CHIT1: variants seen among roughly 807,000 people sequenced by gnomAD.
CHIT1 encodes chitinase 1.
A neutral mutation model predicts 52.0 loss-of-function variants in CHIT1; 47 were observed. That is an observed-to-expected ratio of 0.90 (90% confidence interval 0.71 to 1.15). CHIT1 has a LOEUF of 1.15. Among genes scored for constraint, CHIT1 ranks in the 50% most tolerant of loss-of-function variants. The pLI is 0.00. For missense variants in CHIT1, 569 were observed against 583.0 expected, an observed-to-expected ratio of 0.98 and a Z score of 0.25; for synonymous variants, 242 against 228.2, an observed-to-expected ratio of 1.06 and a Z score of -0.54.
chr1:203,218,288 C>T (rs1048195362), intron 9 of CHIT1, among the ~76,000 whole-genome samples: 1 of 152,204 alleles, frequency 6.6e-6, no homozygotes, highest in African/African-American at 2.4e-5. Context: ...TCAATCAAGG[C>T]TTGCTTCTCT....
chr1:203,218,350 T>C (rs909650467), intron 9 of CHIT1, among the ~76,000 whole-genome samples: 12 of 152,176 alleles, frequency 7.9e-5, no homozygotes, highest in Non-Finnish European at 1.5e-4. Context: ...ACCAGATTCC[T>C]GAGGCTTCCT....
intron 9 of CHIT1, chr1:203,218,136 T>C: frequency 7.0e-7 from 1 of 1,431,248 alleles, no homozygotes; most frequent in Non-Finnish European, 9.2e-7. Flanking sequence ...GTCAGTTGTG[T>C]GCACCTCCCT....
chr1:203,219,872 A>G, intron 7 of CHIT1, 23 bp from the exon 8 acceptor site: 2 of 1,611,318 alleles, frequency 1.2e-6, no homozygotes, highest in Non-Finnish European at 1.7e-6. Flanking sequence ...GGCAGGGTTA[A>G]TTTTCTCAGC....
intron 6 of CHIT1, 125 bp downstream of exon 6, chr1:203,223,010 G>T: frequency 7.6e-7 from 1 of 1,308,220 alleles, no homozygotes. Context: ...TTGTTCTGGT[G>T]TAAGGATGGG....
Position 203,216,932 on chromosome 1 carries a change from C to A in CHIT1, c.1358G>T (p.Gly453Val), listed in dbSNP as rs371328957. Residue 453 changes from glycine (G) to valine (V), a missense_variant, in exon 11 of 11, where the codon GGC becomes GTC. Physicochemically the swap from Gly to Val is moderately radical, Grantham distance 109 (BLOSUM62 -3). Transcript: ENST00000367229. ...GRLFQQSCPT[G>V]LVFSNSCKCC... ...TTTGCAGGAGTTGCTGAACACCAGG[C>A]CTGTCGGGCAGCTTTGCTGGAACAG... The A allele has an allele frequency of 3.7e-5, 60 of 1,614,112 alleles. No individual in the cohort carries two copies. The Admixed American group carries it at 7.5e-4, about 20-fold the overall frequency.
At chr1:203,226,174 G>A (rs536337067) in intron 2 of CHIT1, among the ~76,000 whole-genome samples, 49 of 152,340 alleles carry the variant, frequency 3.2e-4, no homozygotes, top group African/African-American at 1.0e-3. Context: ...GTCCCCATCA[G>A]CATGGCTGCT....
chr1:203,228,399 C>T (rs1657003300), intron 2 of CHIT1, 134 bp downstream of exon 2: 4 of 959,016 alleles, frequency 4.2e-6, no homozygotes, highest in South Asian at 1.4e-5. Context: ...GGGACATTTG[C>T]AGGGGTCTGA....
At chr1:203,220,636 C>T (rs1265382763) in intron 7 of CHIT1, among the ~76,000 whole-genome samples, 1 of 152,218 alleles carries the variant, frequency 6.6e-6, no homozygotes, top group Non-Finnish European at 1.5e-5. Flanking sequence ...AGAAGCTGCC[C>T]TAGTTTTGTC....
rs148451620 is a variant in CHIT1, at chr1:203,219,664, T to C, written c.915A>G (p.Glu305=). The change falls in exon 8 of 11, where the codon GAA becomes GAG. Residue 305 remains glutamate (E), a splice_region_variant and synonymous_variant. Transcript: ENST00000367229. ...CCAGGGTGGTTATGGGTTTTCCTAC[T>C]TCATAGTAGGCCAGCATCCCTCCTT... ...TKEGGMLAYY[E]VCSWKGATKQ... 349 of 1,614,116 alleles carry C rather than the reference T, an allele frequency of 2.2e-4. 4 individuals are homozygous for C. The African/African-American group carries it at 4.2e-3, about 19-fold the overall frequency.
In CHIT1 at chr1:203,219,173, T is replaced by C. The variant is rs1406780568; in HGVS notation, c.1029+43A>G. On this transcript the variant is annotated intron_variant, in intron 9 of 10. Transcript: ENST00000367229. ...CTCATTCCATGTCATTGACAGGACT[T>C]GTTCACTAGGACCACCCCTCTGCCA... 3.0e-6 allele frequency: 3 copies of C among 1,005,374 alleles called. No homozygotes were observed. The South Asian group carries it at 3.8e-5, about 13-fold the overall frequency. 62.3% of individuals were successfully genotyped at this position (1,005,374 alleles called of 1,614,324 possible).
chr1:203,219,623 CT>C (rs1558159286), intron 8 of CHIT1, 40 bp downstream of exon 8: 2 of 1,609,574 alleles, frequency 1.2e-6, no homozygotes, highest in Non-Finnish European at 1.7e-6. Flanking sequence ...CAGGCACCCC[CT>C]GACCCTCACA....
chr1:203,222,894 A>G (rs550025612), intron 6 of CHIT1, among the ~76,000 whole-genome samples: 1 of 152,286 alleles, frequency 6.6e-6, no homozygotes, highest in Non-Finnish European at 1.5e-5. Context: ...GAGGACAGAG[A>G]TCCAAAATGA....
chr1:203,225,221 CAG>C (rs1656881982), intron 3 of CHIT1, 117 bp from the exon 4 acceptor site: 2 of 912,896 alleles, frequency 2.2e-6, no homozygotes, highest in South Asian at 1.4e-5. Flanking sequence ...TGCCTATGTG[CAG>C]AGACTGTATT....
At position 203,219,265 on chromosome 1, in the gene CHIT1, C is replaced by T. The variant is rs369594904; in HGVS notation, c.980G>A (p.Arg327Gln). The T allele has an allele frequency of 2.1e-5, 33 of 1,603,748 alleles. No homozygotes were observed. Among genetic ancestry groups the T allele is most frequent in the Admixed American group, 6.7e-5 (4 of 59,920 alleles). The change falls in exon 9 of 11, where the codon CGG becomes CAG. Residue 327 changes from arginine to glutamine, a missense_variant. Transcript: ENST00000367229. ...IQDQKVPYIF[R>Q]DNQWVGFDDV... ...ATCAAAGCCCACCCACTGGTTGTCC[C>T]GGAAGATGTAGGGCACCTTCTGATC...
At chr1:203,222,874 T>C (rs944870397) in intron 6 of CHIT1, among the ~76,000 whole-genome samples, 9 of 152,136 alleles carry the variant, frequency 5.9e-5, no homozygotes, top group Admixed American at 5.9e-4. Context: ...AAGAATGAGT[T>C]CCCGAGGAAG....
intron 9 of CHIT1, 59 bp downstream of exon 9, chr1:203,219,157 T>C: frequency 1.1e-6 from 1 of 878,286 alleles, no homozygotes; most frequent in Non-Finnish European, 2.0e-6. Context: ...CCTCATTCCA[T>C]GTCATTGACA....
chr1:203,219,448 C>G, intron 8 of CHIT1, 119 bp from the exon 9 acceptor site: 2 of 877,436 alleles, frequency 2.3e-6, no homozygotes, highest in Non-Finnish European at 3.8e-6. Context: ...CCTGGAGAAT[C>G]AGGAGGTTCT....
chr1:203,217,052 C>G lies in CHIT1; in HGVS notation c.1238G>C (p.Ser413Thr). The change falls in exon 11 of 11, where the codon AGC becomes ACC. Residue 413 changes from serine to threonine, a missense_variant. Physicochemically the swap from Ser to Thr is moderately conservative, Grantham distance 58 (BLOSUM62 1). Transcript: ENST00000367229. ...CTGGCAGAACGTGTCTTGTCCAGGG[C>G]TGGGGCCATGCTCAGGTTCAGAGGG... ...GQPSEPEHGP[S>T]PGQDTFCQGK... 2 of 1,613,990 alleles carry G rather than the reference C, an allele frequency of 1.2e-6. No individual in the cohort carries two copies. Among genetic ancestry groups the G allele is most frequent in the Non-Finnish European group, 1.7e-6 (2 of 1,180,050 alleles).
At chr1:203,220,730 A>T (rs1004502404) in intron 7 of CHIT1, among the ~76,000 whole-genome samples, 1 of 152,200 alleles carries the variant, frequency 6.6e-6, no homozygotes, top group South Asian at 2.1e-4. Context: ...CTTTTTGTCC[A>T]TCTATACAAC....
Sources: allele counts gnomAD v4.1 joint callset (sites outside exome capture counted in the v4.1 genomes callset), GRCh38; gene constraint gnomAD v4.1.1; transcripts MANE v1.5; gene names NCBI Gene and HGNC (gene_info 2026-07-23, HGNC 2026-07-21).